ARHGEF4: variants seen among roughly 807,000 people sequenced by gnomAD.
The protein encoded by ARHGEF4 is APC-stimulated guanine nucleotide exchange factor 1.
ARHGEF4 carries 119 observed loss-of-function variants against 162.0 expected under a neutral mutation model. The observed-to-expected ratio is 0.73, with a 90% confidence interval of 0.63 to 0.86. The LOEUF is 0.86. ARHGEF4 is among the 40% of genes least tolerant of loss of function. The pLI is 0.00. For synonymous variants in ARHGEF4, 1,014 were observed against 979.9 expected, an observed-to-expected ratio of 1.03 and a Z score of -0.65; for missense variants, 2,488 against 2,456.0, an observed-to-expected ratio of 1.01 and a Z score of -0.28.
intron 4 of ARHGEF4, chr2:131,011,560 A>T: frequency 1.4e-6 from 2 of 1,430,416 alleles, no homozygotes; most frequent in Non-Finnish European, 1.9e-6. Flanking sequence ...ATGTGCTTCC[A>T]TATCAGCCAC....
chr2:131,021,746 A>G (rs1438909412), intron 4 of ARHGEF4, among the ~76,000 whole-genome samples: 1 of 152,322 alleles, frequency 6.6e-6, no homozygotes, highest in African/African-American at 2.4e-5. Flanking sequence ...CTCGTTCCTC[A>G]TCTTAGTGAT....
intron 4 of ARHGEF4, among the ~76,000 whole-genome samples, chr2:130,998,274 C>T (rs1275040332): frequency 6.6e-6 from 1 of 152,096 alleles, no homozygotes; most frequent in Admixed American, 6.6e-5. Context: ...AAAAATGAAG[C>T]AGAGAGTACA....
At chr2:130,871,334 G>A (rs902577408) in intron 1 of ARHGEF4, among the ~76,000 whole-genome samples, 3 of 152,076 alleles carry the variant, frequency 2.0e-5, no homozygotes, top group Non-Finnish European at 4.4e-5. Context: ...TCAGAAGTTC[G>A]AGACTAGCCT....
intron 1 of ARHGEF4, among the ~76,000 whole-genome samples, chr2:130,876,424 C>G (rs998599909): frequency 3.9e-5 from 6 of 152,170 alleles, no homozygotes; most frequent in Admixed American, 3.3e-4. Flanking sequence ...GAGACAGAGT[C>G]TCTGTCACCC....
At chr2:130,985,441 G>A (rs982795038) in intron 4 of ARHGEF4, among the ~76,000 whole-genome samples, 1 of 152,078 alleles carries the variant, frequency 6.6e-6, no homozygotes, top group African/African-American at 2.4e-5. Context: ...TGCTGCAGCC[G>A]AGGAAATGGG....
chr2:130,879,007 T>G (rs1453364780), intron 1 of ARHGEF4, among the ~76,000 whole-genome samples: 1 of 152,118 alleles, frequency 6.6e-6, no homozygotes, highest in East Asian at 1.9e-4. Context: ...GATGTCCAGG[T>G]AGAGGCTACG....
intron 2 of ARHGEF4, among the ~76,000 whole-genome samples, chr2:130,921,546 A>G (rs1331842574): frequency 6.6e-6 from 1 of 152,178 alleles, no homozygotes. Context: ...ACACTCTCTC[A>G]TTAGGAGTAT....
intron 4 of ARHGEF4, among the ~76,000 whole-genome samples, chr2:130,965,612 GC>G: frequency 6.6e-6 from 1 of 152,276 alleles, no homozygotes; most frequent in Admixed American, 6.5e-5. Flanking sequence ...GAGGACTCCT[GC>G]CCCTTTCCTT....
intron 2 of ARHGEF4, among the ~76,000 whole-genome samples, chr2:130,920,640 GCAGGCTCT>G (rs1681817658): frequency 6.6e-6 from 1 of 152,182 alleles, no homozygotes; most frequent in South Asian, 2.1e-4. Context: ...TCCTGGGAGA[GCAGGCTCT>G]GATGGTGAGA....
chr2:130,855,873 CAA>C (rs1222242749), intron 1 of ARHGEF4, among the ~76,000 whole-genome samples: 1 of 152,182 alleles, frequency 6.6e-6, no homozygotes, highest in East Asian at 1.9e-4. Context: ...ACAACCATAA[CAA>C]TATCAACAAC....
chr2:130,956,550 G>T (rs921268001), intron 4 of ARHGEF4, among the ~76,000 whole-genome samples: 1 of 150,098 alleles, frequency 6.7e-6, no homozygotes, highest in African/African-American at 2.4e-5. Context: ...ATTCACAATA[G>T]CAAAGACTTG....
At chr2:130,840,191 C>T (rs1026471441) in intron 1 of ARHGEF4, among the ~76,000 whole-genome samples, 4 of 152,084 alleles carry the variant, frequency 2.6e-5, no homozygotes, top group Non-Finnish European at 5.9e-5. Flanking sequence ...CACAGGCACA[C>T]ACACAGACAC....
At chr2:131,025,700 G>C (rs1382202191) in intron 4 of ARHGEF4, among the ~76,000 whole-genome samples, 2 of 152,170 alleles carry the variant, frequency 1.3e-5, no homozygotes, top group African/African-American at 2.4e-5. Context: ...TGCCTTCAAG[G>C]AGCTCAGAGT....
chr2:130,919,984 TG>T (rs1416540874), intron 2 of ARHGEF4, among the ~76,000 whole-genome samples: 2 of 152,186 alleles, frequency 1.3e-5, no homozygotes, highest in African/African-American at 4.8e-5. Flanking sequence ...CAGATATTCC[TG>T]GAAGTGGTCC....
chr2:131,033,804 A>T (rs1690033535), intron 5 of ARHGEF4, among the ~76,000 whole-genome samples: 1 of 152,180 alleles, frequency 6.6e-6, no homozygotes, highest in South Asian at 2.1e-4. Flanking sequence ...GGAGGCACAC[A>T]GCCTCTCTGG....
At chr2:130,905,285 C>T (rs755437500) in intron 1 of ARHGEF4, among the ~76,000 whole-genome samples, 7 of 151,920 alleles carry the variant, frequency 4.6e-5, no homozygotes, top group African/African-American at 1.5e-4. Context: ...AATCATTTTC[C>T]GAGTGTTGAG....
At chr2:130,884,887 A>G (rs1679415524) in intron 1 of ARHGEF4, among the ~76,000 whole-genome samples, 1 of 152,128 alleles carries the variant, frequency 6.6e-6, no homozygotes, top group African/African-American at 2.4e-5. Context: ...TGTGCTAACC[A>G]GGAAGAGGCT....
chr2:131,018,126 T>C (rs1688877223), intron 4 of ARHGEF4, among the ~76,000 whole-genome samples: 1 of 152,204 alleles, frequency 6.6e-6, no homozygotes, highest in Non-Finnish European at 1.5e-5. Context: ...GAGAGGTGGA[T>C]GAACACATTG....
At chr2:130,988,973 T>A (rs925116040) in intron 4 of ARHGEF4, among the ~76,000 whole-genome samples, 12 of 151,858 alleles carry the variant, frequency 7.9e-5, no homozygotes, top group African/African-American at 2.9e-4. Context: ...TTTTTTCTTT[T>A]TTTTTGAGAT....
Sources: gnomAD v4.1 joint callset for allele counts (sites outside exome capture counted in the v4.1 genomes callset) on GRCh38, gnomAD v4.1.1 for gene constraint, MANE v1.5 for transcripts, NCBI Gene and HGNC (gene_info 2026-07-23, HGNC 2026-07-21) for gene names.